Variants in LINGO3 observed in about 807,000 individuals in gnomAD.
LINGO3 encodes the protein leucine-rich repeat and immunoglobulin-like domain-containing nogo receptor-interacting protein 3.
For missense variants in LINGO3, 750 were observed against 867.7 expected, an observed-to-expected ratio of 0.86 and a Z score of 1.70; for synonymous variants, 427 against 444.2, an observed-to-expected ratio of 0.96 and a Z score of 0.49.
At chr19:2,291,668 C>T in exon 1 of LINGO3, 1 of 1,383,962 alleles carries the variant, frequency 7.2e-7, no homozygotes, top group Non-Finnish European at 9.3e-7. Flanking sequence ...CAGGCCACCG[C>T]GCGGGTCTGC....
chr19:2,302,656 G>A, the LINGO3 span, among the ~76,000 whole-genome samples: 2 of 152,344 alleles, frequency 1.3e-5, no homozygotes, highest in South Asian at 2.1e-4. Flanking sequence ...TCTGCTGCCC[G>A]GTCTCGGGAG....
At chr19:2,301,927 C>CA in the LINGO3 span, among the ~76,000 whole-genome samples, 979 of 34,208 alleles carry the variant, frequency 0.029, 34 homozygotes, top group East Asian at 0.11. Context: ...GACTCCATCT[C>CA]AAAAAAAAAA....
downstream of LINGO3, among the ~76,000 whole-genome samples, chr19:2,289,582 T>A (rs907137991): frequency 6.6e-6 from 1 of 151,864 alleles, no homozygotes; most frequent in African/African-American, 2.4e-5. Flanking sequence ...ATGCGATCTG[T>A]GTACAAAGGG....
exon 1 of LINGO3, chr19:2,291,852 A>G: frequency 8.1e-7 from 1 of 1,239,118 alleles, no homozygotes; most frequent in Non-Finnish European, 1.1e-6. Flanking sequence ...GGGCAGCGTT[A>G]GCACCGTTAG....
At chr19:2,303,466 G>A in the LINGO3 span, among the ~76,000 whole-genome samples, 12 of 152,050 alleles carry the variant, frequency 7.9e-5, no homozygotes, top group African/African-American at 2.9e-4. Context: ...ACAGCTAAGC[G>A]AGGGGCGAGG....
At chr19:2,300,153 T>C in the LINGO3 span, among the ~76,000 whole-genome samples, 1 of 149,916 alleles carries the variant, frequency 6.7e-6, no homozygotes, top group East Asian at 2.0e-4. Context: ...TGCCTCAGCC[T>C]CCTGAGTAGC....
At chr19:2,298,821 G>A in the LINGO3 span, among the ~76,000 whole-genome samples, 1 of 152,146 alleles carries the variant, frequency 6.6e-6, no homozygotes, top group Non-Finnish European at 1.5e-5. Flanking sequence ...TTACAGGCGT[G>A]AGCCACCGCA....
Position 2,290,127 on chromosome 19 carries a change from G to A in LINGO3, c.1650C>T (p.Phe550=). 6.2e-7 allele frequency: 1 copy of A among 1,611,756 alleles called. No homozygotes were observed. The highest frequency in any genetic ancestry group is 8.5e-7 in the Non-Finnish European group (1 of 1,179,238). ...GCTGCCCGCGGCCGCGGCTCCACAC[G>A]AACAGCAGCACGAAGCAGAAGAGGA... The change falls in exon 1 of 1, where the codon TTC becomes TTT. Residue 550 remains phenylalanine, a synonymous_variant. Transcript: ENST00000585527. The surrounding 1 kb of genome is among the most constrained non-coding windows in gnomAD (Gnocchi z 6.0).
At chr19:2,289,952 G>A (rs1437885600) in exon 1 of LINGO3, 4 of 1,438,378 alleles carry the variant, frequency 2.8e-6, no homozygotes, top group South Asian at 2.7e-5. Flanking sequence ...CACGCGAGCG[G>A]CCGGCCCGCG....
At chr19:2,287,298 G>A (rs1262262850), downstream of LINGO3, among the ~76,000 whole-genome samples, 1 of 152,046 alleles carries the variant, frequency 6.6e-6, no homozygotes, top group Non-Finnish European at 1.5e-5. This position sits in a 1 kb window ranked among gnomAD's most constrained non-coding sequence, Gnocchi z 4.5. Context: ...CCTAATATAC[G>A]GATGCTCTGT....
downstream of LINGO3, among the ~76,000 whole-genome samples, chr19:2,288,277 C>T (rs141915729): frequency 2.6e-4 from 40 of 152,330 alleles, no homozygotes; most frequent in Admixed American, 2.3e-3. The surrounding 1 kb of genome is among the most constrained non-coding windows in gnomAD (Gnocchi z 6.5). Flanking sequence ...CGGGTCCAGG[C>T]CTCCCTGCAG....
chr19:2,290,176 C>T lies in LINGO3; in HGVS notation c.1601G>A (p.Gly534Asp). 1 of 1,612,238 alleles carries T rather than the reference C, an allele frequency of 6.2e-7. No homozygotes were observed. Among genetic ancestry groups the T allele is most frequent in the Non-Finnish European group, 8.5e-7 (1 of 1,179,612 alleles). ...GACCACGCCCAGGAAGGTGATGCAG[C>T]CCATGGCGGTGGACACCAGGATGGT... is the stretch of plus-strand genomic sequence containing the variant. Residue 534 changes from glycine (G) to aspartate (D), a missense_variant, in exon 1 of 1, where the codon GGC (glycine) becomes GAC (aspartate). Gly to Asp is a moderately conservative substitution (Grantham distance 94). Transcript: ENST00000585527. This position sits in a 1 kb window ranked among gnomAD's most constrained non-coding sequence, Gnocchi z 6.0.
chr19:2,302,690 CCT>C, the LINGO3 span, among the ~76,000 whole-genome samples: 5 of 152,254 alleles, frequency 3.3e-5, no homozygotes, highest in African/African-American at 4.8e-5. Flanking sequence ...GGCGTCGACC[CCT>C]GTGGAGGGAG....
At chr19:2,306,273 G>T in the LINGO3 span, among the ~76,000 whole-genome samples, 4 of 152,218 alleles carry the variant, frequency 2.6e-5, no homozygotes, top group African/African-American at 7.2e-5. Flanking sequence ...TCTGACGCCA[G>T]CTCCTACCCA....
chr19:2,303,547 C>T, the LINGO3 span, among the ~76,000 whole-genome samples: 2 of 152,132 alleles, frequency 1.3e-5, no homozygotes, highest in Admixed American at 1.3e-4. Context: ...ACACGGGGCA[C>T]TGAACCCCCA....
the LINGO3 span, among the ~76,000 whole-genome samples, chr19:2,300,045 T>A: frequency 2.0e-3 from 287 of 146,784 alleles, 2 homozygotes; most frequent in African/African-American, 5.9e-3. Context: ...TTTTTTTTTT[T>A]ATTGAGTCGG....
In LINGO3 at chr19:2,291,061, G is replaced by A. The variant is rs760304209; in HGVS notation, c.716C>T (p.Ala239Val). 3.1e-6 allele frequency: 5 copies of A among 1,609,784 alleles called. No homozygotes were observed. The South Asian group carries it at 3.3e-5, about 11-fold the overall frequency. Reference sequence around the variant, plus strand: ...GTTCAGGCCCCGCAGGCTGCCCGCCGCCACCTCCTCCAGCAGCGGCCAGTT... The same window carrying A: ...GTTCAGGCCCCGCAGGCTGCCCGCCACCACCTCCTCCAGCAGCGGCCAGTT... The change falls in exon 1 of 1, where the codon GCG (alanine) becomes GTG (valine). Residue 239 changes from alanine (A) to valine (V), a missense_variant. Coordinates refer to ENST00000585527, the Ensembl canonical transcript of LINGO3.
the LINGO3 span, among the ~76,000 whole-genome samples, chr19:2,299,851 G>A: frequency 1.3e-5 from 2 of 149,236 alleles, no homozygotes; most frequent in African/African-American, 2.5e-5. Flanking sequence ...AGCCTACCAA[G>A]TAGCTGGGAC....
chr19:2,298,743 G>T, the LINGO3 span, among the ~76,000 whole-genome samples: 1 of 151,780 alleles, frequency 6.6e-6, no homozygotes, highest in East Asian at 1.9e-4. Flanking sequence ...ATTTCACCAT[G>T]TTGGTCAGGC....
Sources: allele counts gnomAD v4.1 joint callset (sites outside exome capture counted in the v4.1 genomes callset), GRCh38; gene constraint gnomAD v4.1.1; non-coding constraint Gnocchi (gnomAD v3.1); transcripts MANE v1.5; gene names NCBI Gene and HGNC (gene_info 2026-07-23, HGNC 2026-07-21).